SMAD6: variants seen among roughly 807,000 people sequenced by gnomAD.
SMAD6 encodes SMAD family member 6.
A neutral mutation model predicts 39.4 loss-of-function variants in SMAD6; 103 were observed. The ratio of observed to expected loss-of-function variants is 2.62; its 90% confidence interval spans 2.23 to 3.08. SMAD6 has a LOEUF of 3.08. SMAD6 is among the 30% of genes most tolerant of loss of function. SMAD6 has a pLI of 0.00. For missense variants in SMAD6, 1,104 were observed against 742.9 expected, an observed-to-expected ratio of 1.49 and a Z score of -5.65; for synonymous variants, 445 against 353.3, an observed-to-expected ratio of 1.26 and a Z score of -2.91.
intron 3 of SMAD6, among the ~76,000 whole-genome samples, chr15:66,743,981 A>C (rs944784443): frequency 6.6e-6 from 1 of 152,158 alleles, no homozygotes; most frequent in South Asian, 2.1e-4. Flanking sequence ...ATCATAAAAC[A>C]TTGCCGCTTG....
chr15:66,745,183 C>A (rs1456478354), intron 3 of SMAD6, among the ~76,000 whole-genome samples: 1 of 152,142 alleles, frequency 6.6e-6, no homozygotes, highest in Non-Finnish European at 1.5e-5. Context: ...CCTGGCTGCC[C>A]CTCTGTTTTG....
At chr15:66,711,783 GC>G in intron 2 of SMAD6, 59 bp downstream of exon 2, 1 of 1,363,320 alleles carries the variant, frequency 7.3e-7, no homozygotes. Flanking sequence ...GTCCTCTTCA[GC>G]CCAGTGTCTG....
chr15:66,754,125 C>T (rs546669318), intron 3 of SMAD6, among the ~76,000 whole-genome samples: 1 of 152,364 alleles, frequency 6.6e-6, no homozygotes, highest in South Asian at 2.1e-4. Context: ...GCATATTTCT[C>T]ATTCCTCCGG....
intron 3 of SMAD6, among the ~76,000 whole-genome samples, chr15:66,746,189 C>A (rs1430008072): frequency 6.6e-6 from 1 of 152,198 alleles, no homozygotes; most frequent in Non-Finnish European, 1.5e-5. Flanking sequence ...GTGATAAATG[C>A]TAGACTTGCT....
At chr15:66,710,335 C>T (rs766851151) in intron 1 of SMAD6, among the ~76,000 whole-genome samples, 3 of 152,158 alleles carry the variant, frequency 2.0e-5, no homozygotes, top group Admixed American at 6.5e-5. Context: ...CAAATGTTCG[C>T]GTCTCTCTCA....
At position 66,757,462 on chromosome 15, in the gene SMAD6, C is replaced by T. The variant is rs562312016; in HGVS notation, c.953-23535C>T. ...ACATTATTTAGCCCAGGGGAGTGAG[C>T]AGAGGCCCAGAGATGGTGTGGGGCT... On this transcript the variant is annotated intron_variant, in intron 3 of 3. Transcript: ENST00000288840. Among the ~76,000 whole-genome samples the T allele has an allele frequency of 7.2e-5, 11 of 152,308 alleles. No homozygotes were observed. The East Asian group carries it at 1.9e-3, about 27-fold the overall frequency.
At chr15:66,755,700 G>A (rs1366431682) in intron 3 of SMAD6, among the ~76,000 whole-genome samples, 1 of 152,238 alleles carries the variant, frequency 6.6e-6, no homozygotes, top group Non-Finnish European at 1.5e-5. Flanking sequence ...TGTCCCAGGA[G>A]TTTCAGGTTC....
intron 3 of SMAD6, among the ~76,000 whole-genome samples, chr15:66,720,676 C>T (rs1157678892): frequency 1.3e-5 from 2 of 152,348 alleles, no homozygotes; most frequent in South Asian, 2.1e-4. Context: ...TAACAACAAA[C>T]ATATCCTTAA....
rs376111298 is a variant in SMAD6, at chr15:66,736,226, G to A, written c.952+19728G>A. Among the ~76,000 whole-genome samples, 9 of 152,082 alleles carry A rather than the reference G, an allele frequency of 5.9e-5. No individual in the cohort carries two copies. The East Asian group carries it at 1.2e-3, about 20-fold the overall frequency. On this transcript the variant is annotated intron_variant, in intron 3 of 3. Transcript: ENST00000288840. ...ATTTAGCAAAAACAAACAAAAAACA[G>A]GATGCCCATTTATATTTGAATTTCA...
Position 66,704,006 on chromosome 15 carries a change from T to G in SMAD6, c.748T>G (p.Phe250Val), listed in dbSNP as rs944779909. ...GAAGCCCCTGTGCGGCTGCCACAGC[T>G]TCGCCGCCGCCGCCGACGGCCCTAC... is the stretch of plus-strand genomic sequence containing the variant. ...ELKPLCGCHSFAAAADGPTVC... is the reference protein window; with the variant it reads ...ELKPLCGCHSVAAAADGPTVC... Residue 250 changes from phenylalanine (F) to valine (V), a missense_variant, in exon 1 of 4, where the codon TTC (phenylalanine) becomes GTC (valine). Coordinates refer to ENST00000288840, the MANE Select transcript of SMAD6 (RefSeq NM_005585.5). 19 of 1,495,328 alleles carry G rather than the reference T, an allele frequency of 1.3e-5. 1 individual carries two copies. In the African/African-American group the frequency reaches 2.6e-4, roughly 21 times the overall value. The allele number at this position is 1,495,328 out of a possible 1,614,324, so 92.6% of individuals were successfully genotyped here.
At position 66,703,136 on chromosome 15, in the gene SMAD6, C is replaced by T. The variant is rs1459718575; in HGVS notation, c.-123C>T. The stretch of plus-strand genomic sequence containing the variant: ...GACGACAGGCTGTGCGCGGTCTGCA[C>T]GGCGCTCCGCGGCGGAGCTTCATGT... On this transcript the variant is annotated 5_prime_UTR_variant, in exon 1 of 4. It adds an upstream start codon to the 5' untranslated region. Transcript: ENST00000288840. 2.5e-5 allele frequency: 17 copies of T among 670,944 alleles called. No homozygotes were observed. Among genetic ancestry groups the T allele is most frequent in the South Asian group, 4.1e-5 (1 of 24,498 alleles). The allele number at this position is 670,944 out of a possible 1,614,324, so 41.6% of individuals were successfully genotyped here.
intron 3 of SMAD6, among the ~76,000 whole-genome samples, chr15:66,780,507 G>C (rs1894539244): frequency 6.6e-6 from 1 of 152,192 alleles, no homozygotes; most frequent in Non-Finnish European, 1.5e-5. Context: ...GCCCTCCTCT[G>C]TAGAACGAGG....
chr15:66,752,005 A>G (rs1452293950), intron 3 of SMAD6, among the ~76,000 whole-genome samples: 1 of 147,780 alleles, frequency 6.8e-6, no homozygotes, highest in African/African-American at 2.5e-5. Flanking sequence ...ATAGTTGCTT[A>G]TAAACATAAT....
At chr15:66,751,184 G>GGGTGGT (rs748586142) in intron 3 of SMAD6, among the ~76,000 whole-genome samples, 2 of 152,308 alleles carry the variant, frequency 1.3e-5, no homozygotes, top group Admixed American at 6.5e-5. Context: ...GGAAGTCAGA[G>GGGTGGT]GGTGGTGGTG....
intron 3 of SMAD6, among the ~76,000 whole-genome samples, chr15:66,736,673 C>CT (rs1177478010): frequency 0.032 from 4,588 of 145,376 alleles, 124 homozygotes; most frequent in African/African-American, 0.078. Context: ...AGTTCCTTCT[C>CT]TTTTTTTTTT....
At chr15:66,738,344 T>C (rs1209049236) in intron 3 of SMAD6, among the ~76,000 whole-genome samples, 1 of 152,182 alleles carries the variant, frequency 6.6e-6, no homozygotes, top group Non-Finnish European at 1.5e-5. Flanking sequence ...TACTCCAGGC[T>C]TAGCTCCGAA....
At chr15:66,757,497 C>A (rs1384731766) in intron 3 of SMAD6, among the ~76,000 whole-genome samples, 2 of 152,152 alleles carry the variant, frequency 1.3e-5, no homozygotes, top group Non-Finnish European at 2.9e-5. Flanking sequence ...TGGCTGGAGG[C>A]AGAGCTGAAC....
In SMAD6 at chr15:66,703,838, GC is replaced by G; in HGVS notation, c.581del (p.Ala194GlyfsTer48). The G allele has an allele frequency of 7.2e-7, 1 of 1,395,146 alleles. No individual in the cohort carries two copies. Among genetic ancestry groups the G allele is most frequent in the Non-Finnish European group, 9.4e-7 (1 of 1,062,924 alleles). 86.4% of individuals were successfully genotyped at this position (1,395,146 alleles called of 1,614,324 possible). On this transcript the variant is annotated frameshift_variant, in exon 1 of 4. Coordinates refer to ENST00000288840, the MANE Select transcript of SMAD6 (RefSeq NM_005585.5). LOFTEE classifies it high-confidence loss of function. ...GCGCTCGCTGGACACGCTGCTGGAG[GC>G]GGTGGAGTCCCGCGGCGGCGTGCCG... is the stretch of plus-strand genomic sequence containing the variant. ...KERSLDTLLE[A>X]VESRGGVPGG...
Position 66,747,942 on chromosome 15 carries a change from G to A in SMAD6, c.952+31444G>A, listed in dbSNP as rs1006382714. On this transcript the variant is annotated intron_variant, in intron 3 of 3. Transcript: ENST00000288840. The surrounding 1 kb of genome is among the most constrained non-coding windows in gnomAD (Gnocchi z 4.5). ...CTTTGCACCCCACTTCTCTTTCTCC[G>A]GCATGAGGCAGTGGCTGGGGGCGCA... is the stretch of plus-strand genomic sequence containing the variant. 1.6e-4 allele frequency among the ~76,000 whole-genome samples: 25 copies of A among 152,074 alleles called. No homozygotes were observed. Among genetic ancestry groups the A allele is most frequent in the African/African-American group, 1.4e-4 (6 of 41,394 alleles).
Sources: allele counts gnomAD v4.1 joint callset (sites outside exome capture counted in the v4.1 genomes callset), GRCh38; gene constraint gnomAD v4.1.1; non-coding constraint Gnocchi (gnomAD v3.1); transcripts MANE v1.5; gene names NCBI Gene and HGNC (gene_info 2026-07-23, HGNC 2026-07-21).